The following ANK2 variants were observed in gnomAD, a reference collection of about 807,000 sequenced individuals.
ANK2 encodes the protein ankyrin 2, also known as ankyrin-2.
Under a neutral mutation model 360.5 loss-of-function variants are expected in ANK2, and 83 were observed. The observed-to-expected ratio is 0.23, with a 90% CI of 0.19 to 0.28. The LOEUF (loss-of-function observed/expected upper bound fraction) is 0.28, where lower values mean the gene tolerates loss of function less well. Ranked by LOEUF, ANK2 falls within the 10% of genes least tolerant of loss-of-function variation. The pLI, the probability that ANK2 is intolerant of heterozygous loss-of-function variation, is 1.00. For missense variants in ANK2, 4,201 were observed against 4,795.7 expected, an observed-to-expected ratio of 0.88 and a Z score of 3.66; for synonymous variants, 1,740 against 1,759.5, an observed-to-expected ratio of 0.99 and a Z score of 0.28.
At chr4:113,117,396 A>G in intron 1 of ANK2, 1 of 456,270 alleles carries the variant, frequency 2.2e-6, no homozygotes, top group South Asian at 1.5e-5. Flanking sequence ...ATCCCCAGAG[A>G]ACGTATGGAA....
At chr4:113,103,950 T>G (rs1229415882) in intron 1 of ANK2, among the ~76,000 whole-genome samples, 1 of 152,180 alleles carries the variant, frequency 6.6e-6, no homozygotes, top group African/African-American at 2.4e-5. Context: ...CCTCCATGCC[T>G]TTGATTCCTT....
At chr4:113,261,549 T>C (rs29334) in intron 13 of ANK2, among the ~76,000 whole-genome samples, 70,380 of 152,002 alleles carry the variant, frequency 0.46, 16,904 homozygotes, top group Non-Finnish European at 0.54. Flanking sequence ...TATATCCTGA[T>C]TTTCATTTTC....
At chr4:113,076,729 G>A (rs556858390) in intron 1 of ANK2, among the ~76,000 whole-genome samples, 2 of 151,720 alleles carry the variant, frequency 1.3e-5, no homozygotes, top group Admixed American at 1.3e-4. Flanking sequence ...CTGGGAGGTT[G>A]AGGCTGCAGT....
intron 12 of ANK2, 35 bp downstream of exon 12, chr4:113,258,183 C>G (rs1049006883): frequency 6.3e-7 from 1 of 1,581,304 alleles, no homozygotes; most frequent in Non-Finnish European, 8.7e-7. Flanking sequence ...CAAAGCATTC[C>G]TTCTCTTACT....
intron 24 of ANK2, chr4:113,317,397 A>G (rs987064395): frequency 5.0e-6 from 2 of 396,608 alleles, no homozygotes; most frequent in Non-Finnish European, 9.6e-6. Context: ...AATTTCTGGT[A>G]CTGGCAGTAA....
intron 2 of ANK2, among the ~76,000 whole-genome samples, chr4:113,182,995 C>T (rs2098447581): frequency 6.6e-6 from 1 of 151,762 alleles, no homozygotes; most frequent in Non-Finnish European, 1.5e-5. Flanking sequence ...GGATGGTGTC[C>T]TTGAGTTGAT....
At chr4:112,711,927 C>T in the ANK2 span, among the ~76,000 whole-genome samples, 1 of 150,392 alleles carries the variant, frequency 6.6e-6, no homozygotes, top group South Asian at 2.1e-4. Flanking sequence ...AATCCTCTTG[C>T]CTTAGCTACT....
intron 1 of ANK2, chr4:113,117,349 A>G (rs1340770555): frequency 2.2e-6 from 1 of 456,272 alleles, no homozygotes; most frequent in Non-Finnish European, 4.4e-6. Flanking sequence ...ATGAAAAGGA[A>G]AAAAATCTTG....
intron 2 of ANK2, among the ~76,000 whole-genome samples, chr4:112,948,885 A>C (rs901876336): frequency 1.3e-5 from 2 of 152,106 alleles, no homozygotes; most frequent in Non-Finnish European, 2.9e-5. Context: ...ATAGAGGCAA[A>C]GGCATTTTCA....
At chr4:112,795,588 C>A in the ANK2 span, among the ~76,000 whole-genome samples, 21 of 152,296 alleles carry the variant, frequency 1.4e-4, no homozygotes, top group South Asian at 4.3e-3. Flanking sequence ...ACTGCAACCT[C>A]TGCCTCCTGG....
At chr4:113,011,329 A>T (rs1173838801) in intron 2 of ANK2, among the ~76,000 whole-genome samples, 1 of 152,054 alleles carries the variant, frequency 6.6e-6, no homozygotes, top group South Asian at 2.1e-4. Context: ...GTGAAATTTT[A>T]TCTCTGCTCT....
At chr4:113,249,186 T>C (rs144910219) in intron 9 of ANK2, among the ~76,000 whole-genome samples, 60 of 152,350 alleles carry the variant, frequency 3.9e-4, no homozygotes, top group African/African-American at 1.3e-3. Context: ...TGTTGAAATA[T>C]ATGTGTGAAA....
chr4:113,111,598 G>A (rs1010953153), intron 1 of ANK2, among the ~76,000 whole-genome samples: 2 of 152,116 alleles, frequency 1.3e-5, no homozygotes, highest in African/African-American at 4.8e-5. Flanking sequence ...AGTTATATGT[G>A]TTTTAAAACA....
At chr4:113,107,037 C>A in intron 1 of ANK2, 1 of 421,264 alleles carries the variant, frequency 2.4e-6, no homozygotes, top group Non-Finnish European at 4.8e-6. Flanking sequence ...CCATTCGAAA[C>A]AAAGCTTTTG....
chr4:113,163,563 G>A (rs180715960), intron 1 of ANK2, among the ~76,000 whole-genome samples: 147 of 151,114 alleles, frequency 9.7e-4, no homozygotes, highest in Non-Finnish European at 1.8e-3. Flanking sequence ...TCAGGAGTTC[G>A]AGACCAGCCT....
chr4:113,097,888 ACACG>A (rs199515352), intron 1 of ANK2, among the ~76,000 whole-genome samples: 1 of 119,112 alleles, frequency 8.4e-6, no homozygotes, highest in Admixed American at 7.9e-5. Context: ...ACACACACAC[ACACG>A]CACACACACA....
In ANK2 at chr4:113,343,011, A is replaced by T. The variant is rs1036678939; in HGVS notation, c.4123-6A>T. 6.2e-7 allele frequency: 1 copy of T among 1,613,864 alleles called. No individual in the cohort carries two copies. The highest frequency in any genetic ancestry group is 1.7e-5 in the Admixed American group (1 of 60,022). ...TTTATTGTTATTTCTCTCTGTTTTC[A>T]CTCAGGTGTTAGAAGGAAAACCCAT... On this transcript the variant is annotated splice_polypyrimidine_tract_variant and splice_region_variant and intron_variant, in intron 33 of 45. Coordinates refer to ENST00000357077, the MANE Select transcript of ANK2 (RefSeq NM_001148.6).
intron 2 of ANK2, among the ~76,000 whole-genome samples, chr4:112,992,226 C>G (rs2047069106): frequency 6.6e-6 from 1 of 151,950 alleles, no homozygotes; most frequent in Non-Finnish European, 1.5e-5. Flanking sequence ...TCACTGCAAC[C>G]TCCGCCTCCC....
At chr4:113,148,693 C>A (rs1216352048) in intron 1 of ANK2, among the ~76,000 whole-genome samples, 2 of 152,124 alleles carry the variant, frequency 1.3e-5, no homozygotes, top group African/African-American at 2.4e-5. Flanking sequence ...TTAACGATGA[C>A]AAGACAGAGT....
Sources: allele counts gnomAD v4.1 joint callset (sites outside exome capture counted in the v4.1 genomes callset), GRCh38; gene constraint gnomAD v4.1.1; transcripts MANE v1.5; gene names NCBI Gene and HGNC (gene_info 2026-07-23, HGNC 2026-07-21).